ITPR2: variants seen among roughly 807,000 people sequenced by gnomAD.
ITPR2 encodes inositol 1,4,5-trisphosphate receptor type 2.
Under a neutral mutation model 317.1 loss-of-function variants are expected in ITPR2, and 207 were observed. The ratio of observed to expected loss-of-function variants is 0.65; its 90% confidence interval spans 0.58 to 0.73. The LOEUF is 0.73. ITPR2 is among the 30% of genes least tolerant of loss of function. The pLI is 0.00. For missense variants in ITPR2, 2,613 were observed against 3,284.0 expected (o/e 0.80, Z 4.99); for synonymous variants, 1,156 against 1,149.1 (o/e 1.01, Z -0.12).
intron 21 of ITPR2, among the ~76,000 whole-genome samples, chr12:26,650,351 C>T (rs555680488): frequency 3.3e-5 from 5 of 152,060 alleles, no homozygotes; most frequent in East Asian, 3.9e-4. Context: ...AGATGCTGTA[C>T]GATACTATAA....
chr12:26,352,954 C>T (rs138656408), intron 55 of ITPR2, among the ~76,000 whole-genome samples: 4 of 152,290 alleles, frequency 2.6e-5, no homozygotes, highest in South Asian at 2.1e-4. Flanking sequence ...TAGGCAGATG[C>T]TATAATTGAG....
intron 42 of ITPR2, among the ~76,000 whole-genome samples, chr12:26,483,408 T>C (rs1291151772): frequency 6.6e-6 from 1 of 152,218 alleles, no homozygotes; most frequent in Admixed American, 6.5e-5. Context: ...CCACAAATCC[T>C]GGAAAAGTTC....
At chr12:26,368,229 G>C (rs1939076158) in intron 55 of ITPR2, among the ~76,000 whole-genome samples, 1 of 152,114 alleles carries the variant, frequency 6.6e-6, no homozygotes, top group Admixed American at 6.6e-5. Context: ...AAGAGTCTTT[G>C]GATAGATTTA....
intron 32 of ITPR2, among the ~76,000 whole-genome samples, chr12:26,583,779 A>G (rs1945457806): frequency 6.6e-6 from 1 of 152,120 alleles, no homozygotes; most frequent in African/African-American, 2.4e-5. Flanking sequence ...TACTCCATGG[A>G]TTTTTAAAAA....
rs1378930878 is a variant in ITPR2, at chr12:26,589,849, T to TAC, written c.4380+5615_4380+5616insGT. Among the ~76,000 whole-genome samples the TAC allele has an allele frequency of 5.6e-3, 223 of 39,862 alleles. 7 individuals carry two copies. The highest frequency in any genetic ancestry group is 0.027 in the East Asian group (43 of 1,606). The allele number at this position is 39,862 out of a possible 152,430, so 26.2% of individuals were successfully genotyped here. A position where few individuals can be genotyped will look rare whatever the true frequency, so the allele number is the denominator to read the frequency against. ...ATAAATAAACATATATATATATATA[T>TAC]ATATACACACACACACACACACACA... On this transcript the variant is annotated intron_variant, in intron 32 of 56. Transcript: ENST00000381340.
intron 21 of ITPR2, among the ~76,000 whole-genome samples, chr12:26,636,409 T>C (rs545028474): frequency 3.3e-5 from 5 of 152,348 alleles, no homozygotes; most frequent in South Asian, 4.1e-4. Flanking sequence ...GTCTACCTTT[T>C]TCTAACACCT....
At chr12:26,828,982 C>T (rs985401703) in intron 1 of ITPR2, among the ~76,000 whole-genome samples, 1 of 152,172 alleles carries the variant, frequency 6.6e-6, no homozygotes, top group Non-Finnish European at 1.5e-5. Flanking sequence ...CTTCTTTCTT[C>T]CTAAGTTTCC....
intron 55 of ITPR2, among the ~76,000 whole-genome samples, chr12:26,382,971 C>G (rs1269247933): frequency 6.6e-6 from 1 of 152,128 alleles, no homozygotes; most frequent in African/African-American, 2.4e-5. Flanking sequence ...CTCCTCCAAA[C>G]CTCATGTTGA....
intron 9 of ITPR2, among the ~76,000 whole-genome samples, chr12:26,707,230 T>C (rs189073760): frequency 6.6e-6 from 1 of 152,318 alleles, no homozygotes; most frequent in Admixed American, 6.5e-5. Context: ...GAAACATATA[T>C]TGAAGGTTGC....
At chr12:26,550,208 T>C (rs1312927353) in intron 37 of ITPR2, 39 bp downstream of exon 37, 5 of 829,214 alleles carry the variant, frequency 6.0e-6, no homozygotes, top group Non-Finnish European at 7.7e-6. Flanking sequence ...GGGGAAATCC[T>C]ACTTTATTTT....
intron 21 of ITPR2, among the ~76,000 whole-genome samples, chr12:26,646,939 A>G (rs1039699618): frequency 6.6e-6 from 1 of 152,228 alleles, no homozygotes; most frequent in Non-Finnish European, 1.5e-5. Flanking sequence ...CAAAAGCAAA[A>G]TGAGAGAAGC....
At chr12:26,437,613 T>A (rs1460719564) in intron 47 of ITPR2, among the ~76,000 whole-genome samples, 2 of 152,226 alleles carry the variant, frequency 1.3e-5, no homozygotes, top group African/African-American at 4.8e-5. Flanking sequence ...AGACTCTGCC[T>A]ATAGCCTCAT....
At chr12:26,485,812 C>A (rs1942651963) in intron 41 of ITPR2, among the ~76,000 whole-genome samples, 1 of 152,174 alleles carries the variant, frequency 6.6e-6, no homozygotes, top group African/African-American at 2.4e-5. Context: ...TATAACCTTA[C>A]CAGAGAATAC....
chr12:26,642,640 T>C (rs1216818386), intron 21 of ITPR2, among the ~76,000 whole-genome samples: 1 of 152,164 alleles, frequency 6.6e-6, no homozygotes, highest in East Asian at 1.9e-4. Context: ...AGAAAGGACT[T>C]AGAGGTGCAG....
intron 32 of ITPR2, among the ~76,000 whole-genome samples, chr12:26,592,593 T>C (rs1481340877): frequency 6.6e-6 from 1 of 152,218 alleles, no homozygotes; most frequent in Non-Finnish European, 1.5e-5. Flanking sequence ...AGCTCATTGT[T>C]AATCAGATAT....
At chr12:26,703,658 A>G (rs182795544) in intron 9 of ITPR2, among the ~76,000 whole-genome samples, 3 of 152,314 alleles carry the variant, frequency 2.0e-5, no homozygotes, top group Admixed American at 1.3e-4. Context: ...TACTTTCATT[A>G]TATCGGTTTT....
chr12:26,639,093 G>C (rs1263972613), intron 21 of ITPR2, among the ~76,000 whole-genome samples: 1 of 152,150 alleles, frequency 6.6e-6, no homozygotes, highest in African/African-American at 2.4e-5. Flanking sequence ...TGAGTCATAA[G>C]AGGAACTGCT....
intron 2 of ITPR2, among the ~76,000 whole-genome samples, chr12:26,752,664 ATT>A (rs1334958454): frequency 6.6e-6 from 1 of 152,176 alleles, no homozygotes; most frequent in Non-Finnish European, 1.5e-5. Context: ...TGGGGTAGCC[ATT>A]GTTTTATGCC....
chr12:26,783,729 C>G (rs1467395512), intron 2 of ITPR2, among the ~76,000 whole-genome samples: 1 of 151,850 alleles, frequency 6.6e-6, no homozygotes, highest in Non-Finnish European at 1.5e-5. Flanking sequence ...GGCATAATAC[C>G]CTCATTATGA....
Sources: allele counts gnomAD v4.1 joint callset (sites outside exome capture counted in the v4.1 genomes callset), GRCh38; gene constraint gnomAD v4.1.1; transcripts MANE v1.5; gene names NCBI Gene and HGNC (gene_info 2026-07-23, HGNC 2026-07-21).